ATP11A: variants seen among roughly 807,000 people sequenced by gnomAD.
The protein encoded by ATP11A is ATPase phospholipid transporting 11A, also known as phospholipid-transporting ATPase IH.
ATP11A carries 81 observed loss-of-function variants against 154.4 expected under a neutral mutation model. The ratio of observed to expected loss-of-function variants is 0.52; its 90% confidence interval spans 0.44 to 0.63. The LOEUF (loss-of-function observed/expected upper bound fraction) is 0.63, where lower values mean the gene tolerates loss of function less well. Among genes scored for constraint, ATP11A ranks in the 30% least tolerant of loss-of-function variants. ATP11A has a pLI of 0.00. For missense variants in ATP11A, 1,316 were observed against 1,474.3 expected (o/e 0.89, Z 1.76); for synonymous variants, 623 against 585.9 (o/e 1.06, Z -0.91).
At chr13:112,719,347 G>C (rs557208779) in intron 1 of ATP11A, among the ~76,000 whole-genome samples, 1 of 152,206 alleles carries the variant, frequency 6.6e-6, no homozygotes, top group East Asian at 1.9e-4. Context: ...ATATTCTCAC[G>C]TAATCTTCAA....
Position 112,831,689 on chromosome 13 carries a change from C to T in ATP11A, c.1395+141C>T, listed in dbSNP as rs984968183. 1.3e-5 allele frequency: 13 copies of T among 974,356 alleles called. No homozygotes were observed. In the Admixed American group the frequency reaches 1.8e-4, roughly 13 times the overall value. The allele number at this position is 974,356 out of a possible 1,614,324, so 60.4% of individuals were successfully genotyped here. On this transcript the variant is annotated intron_variant, in intron 13 of 29. Coordinates refer to ENST00000375645, the MANE Select transcript of ATP11A (RefSeq NM_015205.3). ...CAGTGGGAGGGATGGTCAGAAGGTG[C>T]GATGTGTGTGGTGTCCCGTTAGGAC...
chr13:112,763,232 A>G (rs935987856), intron 1 of ATP11A, among the ~76,000 whole-genome samples: 1 of 152,216 alleles, frequency 6.6e-6, no homozygotes, highest in African/African-American at 2.4e-5. Context: ...AACCAACGGA[A>G]TGGACCTGCA....
At chr13:112,722,503 T>C (rs1176154338) in intron 1 of ATP11A, among the ~76,000 whole-genome samples, 2 of 152,158 alleles carry the variant, frequency 1.3e-5, no homozygotes, top group East Asian at 1.9e-4. Context: ...CTCAGTGGAC[T>C]TCAGGTCTGT....
At chr13:112,870,331 A>T (rs1224938135) in intron 25 of ATP11A, among the ~76,000 whole-genome samples, 1 of 152,180 alleles carries the variant, frequency 6.6e-6, no homozygotes, top group East Asian at 1.9e-4. Context: ...GGGTATGGTG[A>T]TGGGTGTGTT....
chr13:112,839,696 T>C (rs1201115598), intron 16 of ATP11A, among the ~76,000 whole-genome samples: 1 of 152,148 alleles, frequency 6.6e-6, no homozygotes, highest in Non-Finnish European at 1.5e-5. Flanking sequence ...GTCCTCTGGG[T>C]TTTTTTATTC....
chr13:112,883,451 T>A lies in ATP11A; in HGVS notation c.*1585T>A. The stretch of plus-strand genomic sequence containing the variant: ...CCCTCACGCCCGCCCCGCGCCACGC[T>A]GTGGAACGGGGCTCCGGCAAGTGAA... On this transcript the variant is annotated 3_prime_UTR_variant, in exon 30 of 30. Transcript: ENST00000375645. 1 of 365,298 alleles carries A rather than the reference T, an allele frequency of 2.7e-6. No homozygotes were observed. The highest frequency in any genetic ancestry group is 4.9e-6 in the Non-Finnish European group (1 of 205,398). 22.6% of individuals were successfully genotyped at this position (365,298 alleles called of 1,614,324 possible). A position where few individuals can be genotyped will look rare whatever the true frequency, so the allele number is the denominator to read the frequency against.
At chr13:112,719,489 A>T (rs1888904306) in intron 1 of ATP11A, among the ~76,000 whole-genome samples, 1 of 152,270 alleles carries the variant, frequency 6.6e-6, no homozygotes, top group South Asian at 2.1e-4. Flanking sequence ...AGACAAAATT[A>T]CAAAACATTT....
At chr13:112,713,395 T>TA (rs201000611) in intron 1 of ATP11A, among the ~76,000 whole-genome samples, 10 of 151,974 alleles carry the variant, frequency 6.6e-5, no homozygotes, top group East Asian at 1.9e-4. Flanking sequence ...ACTCCGTCTC[T>TA]AAAAAAAATA....
chr13:112,813,467 G>T (rs754024050), intron 5 of ATP11A, among the ~76,000 whole-genome samples: 1 of 152,222 alleles, frequency 6.6e-6, no homozygotes, highest in East Asian at 1.9e-4. Flanking sequence ...TTGCTAAGGA[G>T]CGTTCCATGA....
intron 1 of ATP11A, among the ~76,000 whole-genome samples, chr13:112,713,719 T>C (rs1355629469): frequency 6.6e-5 from 10 of 152,172 alleles, no homozygotes; most frequent in Admixed American, 5.9e-4. Flanking sequence ...CCGTTTAATC[T>C]TCTGATGACA....
Position 112,785,092 on chromosome 13 carries a change from C to G in ATP11A, c.40-43C>G. On this transcript the variant is annotated intron_variant, in intron 1 of 29. Coordinates refer to ENST00000375645, the MANE Select transcript of ATP11A (RefSeq NM_015205.3). This position sits in a 1 kb window ranked among gnomAD's most constrained non-coding sequence, Gnocchi z 4.8. ...ACACTCTGGGCAAGAGCTTTTGATG[C>G]AGGTTCTGAGGCAGCTGCCTAACAC... 7.1e-7 allele frequency: 1 copy of G among 1,409,110 alleles called. No homozygotes were observed. Among genetic ancestry groups the G allele is most frequent in the Non-Finnish European group, 9.3e-7 (1 of 1,072,898 alleles). 87.3% of individuals were successfully genotyped at this position (1,409,110 alleles called of 1,614,324 possible).
At chr13:112,778,593 T>TGAGTAGCCGCTGGTTTGAG (rs2077404623) in intron 1 of ATP11A, among the ~76,000 whole-genome samples, 9 of 150,804 alleles carry the variant, frequency 6.0e-5, no homozygotes, top group African/African-American at 2.0e-4. Context: ...GCCACTGGAA[T>TGAGTAGCCGCTGGTTTGAG]GAGTAGCCGC....
At chr13:112,795,052 T>A (rs923141578) in intron 2 of ATP11A, among the ~76,000 whole-genome samples, 1 of 152,110 alleles carries the variant, frequency 6.6e-6, no homozygotes, top group Non-Finnish European at 1.5e-5. Flanking sequence ...AAGATCAGCC[T>A]GGGCAACATG....
chr13:112,737,800 A>C (rs927488362), intron 1 of ATP11A, among the ~76,000 whole-genome samples: 1 of 152,122 alleles, frequency 6.6e-6, no homozygotes. Context: ...CGTGTCTTGG[A>C]TTGACAAACA....
chr13:112,805,954 G>A (rs1408974227), intron 3 of ATP11A, among the ~76,000 whole-genome samples: 1 of 151,652 alleles, frequency 6.6e-6, no homozygotes, highest in Non-Finnish European at 1.5e-5. Context: ...TACAAGGCGT[G>A]CCCCGACTTC....
chr13:112,723,519 G>A (rs1774541386), intron 1 of ATP11A, among the ~76,000 whole-genome samples: 1 of 150,444 alleles, frequency 6.6e-6, no homozygotes, highest in African/African-American at 2.5e-5. Context: ...TGATCCGCCT[G>A]CCTTGTCCTC....
At chr13:112,788,779 G>T (rs1430416463) in intron 2 of ATP11A, among the ~76,000 whole-genome samples, 2 of 147,732 alleles carry the variant, frequency 1.4e-5, no homozygotes, top group African/African-American at 2.5e-5. Context: ...GTGTCCTGGC[G>T]TGTAAACCCC....
intron 1 of ATP11A, among the ~76,000 whole-genome samples, chr13:112,726,249 G>A (rs573155576): frequency 2.6e-5 from 4 of 151,734 alleles, no homozygotes; most frequent in Non-Finnish European, 4.4e-5. Flanking sequence ...GAGGAAGCAC[G>A]TGCGTGCAGG....
intron 1 of ATP11A, among the ~76,000 whole-genome samples, chr13:112,727,530 G>A (rs189118749): frequency 7.9e-4 from 120 of 152,050 alleles, no homozygotes; most frequent in African/African-American, 2.9e-3. Flanking sequence ...TCTAATGGGA[G>A]CAGCAGCAGT....
Sources: allele counts gnomAD v4.1 joint callset (sites outside exome capture counted in the v4.1 genomes callset), GRCh38; gene constraint gnomAD v4.1.1; non-coding constraint Gnocchi (gnomAD v3.1); transcripts MANE v1.5; gene names NCBI Gene and HGNC (gene_info 2026-07-23, HGNC 2026-07-21).